Variants in RIT2 observed in about 807,000 individuals in gnomAD.
The protein encoded by RIT2 is GTP-binding protein Rit2.
In RIT2, 24 loss-of-function variants were observed where a neutral mutation model predicts 23.7. That is an observed-to-expected ratio of 1.01 (90% CI 0.73 to 1.43). The LOEUF (loss-of-function observed/expected upper bound fraction) is 1.43, where lower values mean the gene tolerates loss of function less well. Among genes scored for constraint, RIT2 ranks in the 40% most tolerant of loss-of-function variants. The pLI is 0.00. For synonymous variants in RIT2, 107 were observed against 91.1 expected, an observed-to-expected ratio of 1.17 and a Z score of -0.99; for missense variants, 236 against 266.9, an observed-to-expected ratio of 0.88 and a Z score of 0.81.
intron 2 of RIT2, among the ~76,000 whole-genome samples, chr18:42,988,958 T>C (rs927411507): frequency 6.6e-6 from 1 of 152,140 alleles, no homozygotes; most frequent in Non-Finnish European, 1.5e-5. Flanking sequence ...TTCTGATTTC[T>C]CCTCAAAACT....
chr18:43,037,108 T>C (rs146854901), intron 1 of RIT2, among the ~76,000 whole-genome samples: 265 of 152,330 alleles, frequency 1.7e-3, no homozygotes, highest in Non-Finnish European at 2.7e-3. Context: ...TCTTAATACA[T>C]TGGTTCTAAA....
At chr18:42,794,876 A>G (rs565946082) in intron 4 of RIT2, among the ~76,000 whole-genome samples, 1 of 152,258 alleles carries the variant, frequency 6.6e-6, no homozygotes, top group East Asian at 1.9e-4. Context: ...AATGATAAAA[A>G]TAATTGCCAG....
rs115228580 is a variant in RIT2, at chr18:43,001,436, A to G, written c.161-27289T>C. 3.2e-3 allele frequency among the ~76,000 whole-genome samples: 489 copies of G among 152,122 alleles called. 3 individuals are homozygous for G. The highest frequency in any genetic ancestry group is 0.011 in the African/African-American group (468 of 41,532). ...TAAGCAAGATGTTCATATATAGGCC[A>G]AAAGATAAGACGGGTTTTATTGAAA... On this transcript the variant is annotated intron_variant, in intron 2 of 4. Transcript: ENST00000326695.
chr18:42,857,437 C>G (rs1400120596), intron 4 of RIT2, among the ~76,000 whole-genome samples: 1 of 152,040 alleles, frequency 6.6e-6, no homozygotes, highest in Non-Finnish European at 1.5e-5. Flanking sequence ...TTTTAATTAC[C>G]CTGGTATAAT....
chr18:42,813,453 T>C (rs1905907076), intron 4 of RIT2, among the ~76,000 whole-genome samples: 1 of 152,128 alleles, frequency 6.6e-6, no homozygotes, highest in Non-Finnish European at 1.5e-5. Flanking sequence ...CAGTTTTATG[T>C]TTTATTCTTT....
At chr18:42,981,727 T>C (rs562524714) in intron 2 of RIT2, among the ~76,000 whole-genome samples, 1 of 151,874 alleles carries the variant, frequency 6.6e-6, no homozygotes, top group Admixed American at 6.6e-5. Flanking sequence ...TTGAGAAAAA[T>C]ATATAAATAT....
intron 2 of RIT2, among the ~76,000 whole-genome samples, chr18:43,029,704 C>T (rs556443694): frequency 6.6e-6 from 1 of 151,824 alleles, no homozygotes; most frequent in Non-Finnish European, 1.5e-5. Context: ...TTGCTTTGAA[C>T]AATGCCTGAA....
chr18:43,050,615 G>T (rs1295775518), intron 1 of RIT2, among the ~76,000 whole-genome samples: 2 of 152,190 alleles, frequency 1.3e-5, no homozygotes, highest in Non-Finnish European at 2.9e-5. Flanking sequence ...GCAGGCCTCA[G>T]GAAACGGAAT....
intron 4 of RIT2, among the ~76,000 whole-genome samples, chr18:42,758,895 T>G (rs934351843): frequency 6.6e-6 from 1 of 152,130 alleles, no homozygotes; most frequent in Non-Finnish European, 1.5e-5. Flanking sequence ...TATGTGCCCA[T>G]TGATTCTGTC....
At chr18:42,780,806 A>G (rs1272533561) in intron 4 of RIT2, among the ~76,000 whole-genome samples, 1 of 150,048 alleles carries the variant, frequency 6.7e-6, no homozygotes, top group African/African-American at 2.4e-5. Context: ...CATAGCCTGA[A>G]CTAGCTTTTC....
intron 1 of RIT2, among the ~76,000 whole-genome samples, chr18:43,065,641 C>T (rs1912754667): frequency 6.6e-6 from 1 of 152,082 alleles, no homozygotes; most frequent in South Asian, 2.1e-4. Context: ...ATCTCATTTT[C>T]ACCTCCTTTC....
At chr18:42,803,912 T>C (rs1905606988) in intron 4 of RIT2, among the ~76,000 whole-genome samples, 1 of 152,186 alleles carries the variant, frequency 6.6e-6, no homozygotes, top group South Asian at 2.1e-4. Flanking sequence ...GGATCCTGAA[T>C]AGGACAAAGT....
At chr18:42,992,969 C>G (rs1910890655) in intron 2 of RIT2, among the ~76,000 whole-genome samples, 1 of 152,148 alleles carries the variant, frequency 6.6e-6, no homozygotes, top group Non-Finnish European at 1.5e-5. Context: ...GTCCTCAAAC[C>G]CCACAACAGG....
chr18:42,894,888 G>C (rs1908281092), intron 4 of RIT2, among the ~76,000 whole-genome samples: 1 of 152,192 alleles, frequency 6.6e-6, no homozygotes, highest in Non-Finnish European at 1.5e-5. Context: ...AGTAGTTTTA[G>C]TAGAGGGATT....
chr18:42,996,360 T>C (rs1910983778), intron 2 of RIT2, among the ~76,000 whole-genome samples: 1 of 152,090 alleles, frequency 6.6e-6, no homozygotes, highest in Non-Finnish European at 1.5e-5. Flanking sequence ...TTTACCACTA[T>C]TTCATTTTAT....
chr18:42,777,405 A>G (rs1005629381), intron 4 of RIT2, among the ~76,000 whole-genome samples: 8 of 152,216 alleles, frequency 5.3e-5, no homozygotes, highest in Admixed American at 1.3e-4. Flanking sequence ...AATCTCTGGG[A>G]CTTTCAATAT....
At chr18:42,817,952 C>T (rs1362913335) in intron 4 of RIT2, among the ~76,000 whole-genome samples, 1 of 151,826 alleles carries the variant, frequency 6.6e-6, no homozygotes, top group Admixed American at 6.6e-5. Context: ...GCTATATTTT[C>T]TGTTAATAAT....
intron 4 of RIT2, among the ~76,000 whole-genome samples, chr18:42,777,295 A>G (rs1913695641): frequency 1.3e-5 from 2 of 151,114 alleles, no homozygotes; most frequent in Non-Finnish European, 3.0e-5. Context: ...CAAAAAAAAA[A>G]AAAAAAGAAA....
intron 1 of RIT2, among the ~76,000 whole-genome samples, chr18:43,060,866 T>C (rs1376580773): frequency 6.6e-6 from 1 of 152,074 alleles, no homozygotes; most frequent in Non-Finnish European, 1.5e-5. Flanking sequence ...CATTCCGACA[T>C]GAGGAAAGCA....
Sources: gnomAD v4.1 joint callset for allele counts (sites outside exome capture counted in the v4.1 genomes callset) on GRCh38, gnomAD v4.1.1 for gene constraint, MANE v1.5 for transcripts, NCBI Gene and HGNC (gene_info 2026-07-23, HGNC 2026-07-21) for gene names.